The following GPBP1 variants were observed in gnomAD, a reference collection of about 807,000 sequenced individuals.
GPBP1 encodes the protein vasculin.
A neutral mutation model predicts 56.5 loss-of-function variants in GPBP1; 13 were observed. That is an observed-to-expected ratio of 0.23 (90% CI 0.15 to 0.37). The LOEUF is 0.37. Ranked by LOEUF, GPBP1 falls within the 10% of genes least tolerant of loss-of-function variation. GPBP1 has a pLI of 1.00. For synonymous variants in GPBP1, 204 were observed against 188.9 expected (o/e 1.08, Z -0.66); for missense variants, 477 against 572.3 (o/e 0.83, Z 1.70).
chr5:57,195,038 A>T (rs1042124244), intron 2 of GPBP1, among the ~76,000 whole-genome samples: 2 of 151,996 alleles, frequency 1.3e-5, no homozygotes, highest in African/African-American at 4.8e-5. Context: ...TTGCTGGATC[A>T]TATGGCAGCT....
rs1321013752 is a variant in GPBP1, at chr5:57,219,332, C to T, written c.63+5139C>T. ...CAGAGGTTGCAGTGAGCCCAGATCC[C>T]GCCACTGAACTCCAGCCTGGGTGAC... On this transcript the variant is annotated intron_variant, in intron 3 of 11. Transcript: ENST00000506184. Among the ~76,000 whole-genome samples the T allele has an allele frequency of 9.2e-5, 13 of 141,386 alleles. No homozygotes were observed. The East Asian group carries it at 2.3e-3, about 25-fold the overall frequency. 92.8% of individuals were successfully genotyped at this position (141,386 alleles called of 152,430 possible). A position where few individuals can be genotyped will look rare whatever the true frequency, so the allele number is the denominator to read the frequency against.
At position 57,208,258 on chromosome 5, in the gene GPBP1, G is replaced by A. The variant is rs533774611; in HGVS notation, c.-57-5816G>A. 1.3e-4 allele frequency among the ~76,000 whole-genome samples: 20 copies of A among 152,240 alleles called. 1 individual carries two copies. The East Asian group carries it at 3.5e-3, about 26-fold the overall frequency. The stretch of plus-strand genomic sequence containing the variant: ...TTCCTTGCCTCCCTCCATATCAATA[G>A]AGTCTCATTTTGTTGCTCAGGCTGG... On this transcript the variant is annotated intron_variant, in intron 2 of 11. Coordinates refer to ENST00000506184, the MANE Select transcript of GPBP1 (RefSeq NM_022913.4).
chr5:57,219,375 CAAAA>C (rs869152603), intron 3 of GPBP1, among the ~76,000 whole-genome samples: 1 of 35,300 alleles, frequency 2.8e-5, no homozygotes, highest in African/African-American at 1.1e-4. Context: ...GACTCTGTCT[CAAAA>C]AAAAAAAAAA....
At chr5:57,213,308 C>T (rs1755571126) in intron 2 of GPBP1, among the ~76,000 whole-genome samples, 1 of 152,128 alleles carries the variant, frequency 6.6e-6, no homozygotes, top group Admixed American at 6.5e-5. Flanking sequence ...TCCTCGGCCT[C>T]CCAAAGTGCT....
rs551685816 is a variant in GPBP1 at position 57,223,039 on chromosome 5, T to A, written c.64-7807T>A. On this transcript the variant is annotated intron_variant, in intron 3 of 11. Transcript: ENST00000506184. The stretch of plus-strand genomic sequence containing the variant: ...GGGTTATGTTTGACTATATTTTTTA[T>A]TAAAATTTTTTTTTTCATATGGCGC... Among the ~76,000 whole-genome samples the A allele has an allele frequency of 5.3e-5, 8 of 152,336 alleles. No individual in the cohort carries two copies. The South Asian group carries it at 1.7e-3, about 32-fold the overall frequency.
intron 3 of GPBP1, among the ~76,000 whole-genome samples, chr5:57,224,415 G>A (rs1317909249): frequency 1.3e-5 from 2 of 151,508 alleles, no homozygotes; most frequent in Non-Finnish European, 2.9e-5. Context: ...GCTAATTTTT[G>A]TATTTTTAGT....
chr5:57,189,868 C>T (rs1404686647), intron 2 of GPBP1, among the ~76,000 whole-genome samples: 1 of 152,172 alleles, frequency 6.6e-6, no homozygotes, highest in Admixed American at 6.5e-5. Flanking sequence ...TTTGTTCCCT[C>T]TTCTCTGTTC....
At chr5:57,255,944 G>C (rs1262526891) in intron 10 of GPBP1, among the ~76,000 whole-genome samples, 1 of 152,054 alleles carries the variant, frequency 6.6e-6, no homozygotes, top group Non-Finnish European at 1.5e-5. Context: ...ATGAGATTTA[G>C]AAACTAAGGC....
intron 2 of GPBP1, among the ~76,000 whole-genome samples, chr5:57,180,406 C>T (rs1303007103): frequency 1.3e-5 from 2 of 152,216 alleles, no homozygotes; most frequent in Non-Finnish European, 2.9e-5. Flanking sequence ...AGGCGTGAGC[C>T]ACTGCACCTG....
chr5:57,210,538 T>G (rs1439042158), intron 2 of GPBP1, among the ~76,000 whole-genome samples: 1 of 152,156 alleles, frequency 6.6e-6, no homozygotes, highest in African/African-American at 2.4e-5. Context: ...TTGATTTGCC[T>G]TTTTTGAGGG....
chr5:57,226,295 A>G (rs1756185089), intron 3 of GPBP1, among the ~76,000 whole-genome samples: 1 of 152,124 alleles, frequency 6.6e-6, no homozygotes, highest in Non-Finnish European at 1.5e-5. Flanking sequence ...GTGGTTCCCA[A>G]CCTCCACCAG....
At chr5:57,183,514 C>T (rs562390871) in intron 2 of GPBP1, among the ~76,000 whole-genome samples, 2 of 152,066 alleles carry the variant, frequency 1.3e-5, no homozygotes, top group South Asian at 2.1e-4. Context: ...GTCAGTAGTG[C>T]GCCTTGTAGT....
At chr5:57,184,826 C>CT (rs1177430648) in intron 2 of GPBP1, among the ~76,000 whole-genome samples, 1 of 152,222 alleles carries the variant, frequency 6.6e-6, no homozygotes, top group Non-Finnish European at 1.5e-5. Flanking sequence ...TATCGATGTC[C>CT]TTTCCTATTG....
rs146472647 is a variant in GPBP1, at chr5:57,190,949, C to T, written c.-58+14549C>T. ...TAGGCAAAACATGTTGCCTTGAACT[C>T]TAGGTAAAACATGTTGTCTTGAACT... On this transcript the variant is annotated intron_variant, in intron 2 of 11. Transcript: ENST00000506184. Among the ~76,000 whole-genome samples the T allele has an allele frequency of 3.1e-3, 476 of 151,954 alleles. 4 individuals are homozygous for T. The highest frequency in any genetic ancestry group is 0.011 in the African/African-American group (455 of 41,464).
intron 3 of GPBP1, among the ~76,000 whole-genome samples, chr5:57,226,089 G>T (rs556283028): frequency 2.0e-5 from 3 of 152,160 alleles, no homozygotes; most frequent in Non-Finnish European, 4.4e-5. Context: ...GTGTCCCTTG[G>T]GGTGGTTGGT....
chr5:57,219,920 C>A lies in GPBP1; in HGVS notation c.63+5727C>A, dbSNP rs112543198. Among the ~76,000 whole-genome samples the A allele has an allele frequency of 4.4e-3, 669 of 151,732 alleles. 2 individuals carry two copies. The highest frequency in any genetic ancestry group is 0.016 in the African/African-American group (641 of 41,352). On this transcript the variant is annotated intron_variant, in intron 3 of 11. Transcript: ENST00000506184. ...GTACAAAACTAGCTGGGCTTGGTGG[C>A]GCGTGCCTGTAATCCTAGCTACTCG...
intron 6 of GPBP1, among the ~76,000 whole-genome samples, chr5:57,237,670 T>A (rs1383146127): frequency 1.3e-5 from 2 of 152,178 alleles, no homozygotes; most frequent in East Asian, 3.8e-4. Flanking sequence ...CACACTTTAC[T>A]ATTCCTCTCT....
chr5:57,212,369 T>C (rs1308793093), intron 2 of GPBP1, among the ~76,000 whole-genome samples: 2 of 152,228 alleles, frequency 1.3e-5, no homozygotes, highest in African/African-American at 4.8e-5. Flanking sequence ...TCAGACACCT[T>C]AGTTTTCATT....
At chr5:57,182,704 G>C (rs537065020) in intron 2 of GPBP1, among the ~76,000 whole-genome samples, 1 of 151,410 alleles carries the variant, frequency 6.6e-6, no homozygotes, top group South Asian at 2.1e-4. Context: ...TTATTTTTGA[G>C]ACAAAGTGTC....
Sources: allele counts gnomAD v4.1 joint callset (sites outside exome capture counted in the v4.1 genomes callset), GRCh38; gene constraint gnomAD v4.1.1; transcripts MANE v1.5; gene names NCBI Gene and HGNC (gene_info 2026-07-23, HGNC 2026-07-21).